The following MICAL2 variants were observed in gnomAD, a reference collection of about 807,000 sequenced individuals.
MICAL2 encodes [F-actin]-monooxygenase MICAL2.
Under a neutral mutation model 127.3 loss-of-function variants are expected in MICAL2, and 77 were observed. That is an observed-to-expected ratio of 0.60 (90% CI 0.50 to 0.73). The LOEUF (loss-of-function observed/expected upper bound fraction) is 0.73, where lower values mean the gene tolerates loss of function less well. Ranked by LOEUF, MICAL2 falls within the 30% of genes least tolerant of loss-of-function variation. The probability of loss-of-function intolerance (pLI) is 0.00; values close to 1 mark genes in which losing one functional copy is unlikely to be tolerated. For missense variants in MICAL2, 1,351 were observed against 1,434.4 expected (o/e 0.94, Z 0.94); for synonymous variants, 570 against 551.1 (o/e 1.03, Z -0.48).
At position 12,169,942 on chromosome 11, in the gene MICAL2, C is replaced by T. The variant is rs1420603871; in HGVS notation, c.264+7523C>T. Among the ~76,000 whole-genome samples the T allele has an allele frequency of 4.6e-5, 7 of 152,160 alleles. No individual in the cohort carries two copies. In the East Asian group the frequency reaches 7.7e-4, roughly 17 times the overall value. Reference sequence around the variant, plus strand: ...TAAGATGTTGCCTACTTAGATTTCCCGGGCTTTGCTGAGTGGGCATTGATA... The same window carrying T: ...TAAGATGTTGCCTACTTAGATTTCCTGGGCTTTGCTGAGTGGGCATTGATA... On this transcript the variant is annotated intron_variant, in intron 3 of 27. Transcript: ENST00000683283.
downstream of MICAL2, among the ~76,000 whole-genome samples, chr11:12,264,292 T>C (rs1863510327): frequency 6.6e-6 from 1 of 152,168 alleles, no homozygotes; most frequent in Non-Finnish European, 1.5e-5. Flanking sequence ...GGCAATGAAG[T>C]TGGCAGTGTG....
intron 7 of MICAL2, among the ~76,000 whole-genome samples, chr11:12,215,862 G>A (rs1163242259): frequency 6.6e-6 from 1 of 152,254 alleles, no homozygotes; most frequent in African/African-American, 2.4e-5. Context: ...CTTGGAGCTA[G>A]ATGGGCTGGG....
At chr11:12,123,657 A>G (rs186612019) in intron 1 of MICAL2, among the ~76,000 whole-genome samples, 11 of 152,320 alleles carry the variant, frequency 7.2e-5, no homozygotes, top group African/African-American at 2.4e-4. Context: ...GTTAGGTTTC[A>G]GGGGGTTTTA....
intron 23 of MICAL2, 191 bp from the exon 24 acceptor site, chr11:12,256,594 C>A: frequency 1.9e-6 from 1 of 539,420 alleles, no homozygotes; most frequent in Admixed American, 3.5e-5. Context: ...TTAACAGAAG[C>A]CCCTGCAGGG....
chr11:12,321,392 C>T (rs1396777115), intron 30 of MICAL2, among the ~76,000 whole-genome samples: 1 of 152,178 alleles, frequency 6.6e-6, no homozygotes, highest in African/African-American at 2.4e-5. Flanking sequence ...ACCATGACAG[C>T]TCAAATGAAC....
At chr11:12,231,535 TCAA>T (rs1296209421) in intron 15 of MICAL2, among the ~76,000 whole-genome samples, 1 of 152,202 alleles carries the variant, frequency 6.6e-6, no homozygotes, top group Non-Finnish European at 1.5e-5. Flanking sequence ...ATCTACTCAT[TCAA>T]CAACTGTTTC....
chr11:12,160,194 G>A (rs1293310052), intron 2 of MICAL2, among the ~76,000 whole-genome samples: 3 of 152,176 alleles, frequency 2.0e-5, no homozygotes, highest in Non-Finnish European at 4.4e-5. Context: ...CAGTGTCTGA[G>A]ACCTCGCCAG....
chr11:12,249,546 T>C (rs1320386559), intron 22 of MICAL2, among the ~76,000 whole-genome samples: 4 of 152,250 alleles, frequency 2.6e-5, no homozygotes, highest in Non-Finnish European at 5.9e-5. Flanking sequence ...TCCAACAGGC[T>C]GTCCTCTGAT....
chr11:12,193,833 C>G lies in MICAL2; in HGVS notation c.265-10417C>G, dbSNP rs186824107. 1.8e-4 allele frequency among the ~76,000 whole-genome samples: 27 copies of G among 152,296 alleles called. No homozygotes were observed. In the East Asian group the frequency reaches 5.0e-3, roughly 28 times the overall value. ...TCATGTCTTGGTTTTGTTATCTGGG[C>G]TTGTTGTGAGATTTGAATGAACTGA... is the stretch of plus-strand genomic sequence containing the variant. On this transcript the variant is annotated intron_variant, in intron 3 of 27. Coordinates refer to ENST00000683283, the MANE Select transcript of MICAL2 (RefSeq NM_001282663.2).
chr11:12,153,876 C>T (rs539516908), intron 2 of MICAL2, among the ~76,000 whole-genome samples: 3 of 152,296 alleles, frequency 2.0e-5, no homozygotes, highest in East Asian at 3.9e-4. Context: ...TGATTCAGGT[C>T]ACATGCAGAA....
At chr11:12,257,078 A>T in intron 24 of MICAL2, 107 bp downstream of exon 24, 1 of 1,194,436 alleles carries the variant, frequency 8.4e-7, no homozygotes, top group East Asian at 2.5e-5. Flanking sequence ...AAACATACCC[A>T]AAAGGAAGTA....
chr11:12,251,630 G>A (rs1861570303), intron 22 of MICAL2, among the ~76,000 whole-genome samples: 1 of 148,512 alleles, frequency 6.7e-6, no homozygotes, highest in Non-Finnish European at 1.5e-5. Flanking sequence ...CGGGGTGGAT[G>A]TGTGGGTGCC....
intron 1 of MICAL2, among the ~76,000 whole-genome samples, chr11:12,133,324 T>C (rs531104497): frequency 1.4e-4 from 22 of 152,268 alleles, no homozygotes; most frequent in African/African-American, 5.1e-4. Flanking sequence ...TCAAGCGATC[T>C]GCCTGCCTCG....
intron 22 of MICAL2, 45 bp from the exon 23 acceptor site, chr11:12,255,598 G>A (rs181279876): frequency 6.4e-6 from 10 of 1,565,508 alleles, no homozygotes; most frequent in Non-Finnish European, 7.9e-6. Context: ...GTGCTAACTG[G>A]CCTCTACCTT....
chr11:12,118,459 A>T (rs1850225722), intron 1 of MICAL2, among the ~76,000 whole-genome samples: 1 of 152,172 alleles, frequency 6.6e-6, no homozygotes, highest in Non-Finnish European at 1.5e-5. Context: ...CTGCTGAAGA[A>T]GCAACCAGGA....
At chr11:12,262,324 A>G in intron 26 of MICAL2, 156 bp from the exon 27 acceptor site, 1 of 1,490,718 alleles carries the variant, frequency 6.7e-7, no homozygotes, top group Non-Finnish European at 8.9e-7. Context: ...TCCTAAGCAA[A>G]CAGCGACTCT....
intron 8 of MICAL2, among the ~76,000 whole-genome samples, chr11:12,218,104 T>A (rs542559725): frequency 4.6e-5 from 7 of 152,346 alleles, no homozygotes; most frequent in African/African-American, 1.7e-4. Flanking sequence ...GACAAGAGGT[T>A]TTCCTGCTTC....
intron 29 of MICAL2, among the ~76,000 whole-genome samples, chr11:12,313,952 C>G (rs1400408554): frequency 1.3e-5 from 1 of 76,402 alleles, no homozygotes; most frequent in Admixed American, 1.2e-4. Context: ...GCCTTAATGT[C>G]TTGGTCTGAT....
chr11:12,319,963 A>G (rs1377357369), intron 30 of MICAL2: 1 of 546,368 alleles, frequency 1.8e-6, no homozygotes, highest in South Asian at 2.9e-5. Flanking sequence ...TACCTTGAAC[A>G]CCCAAAGAAT....
Sources: gnomAD v4.1 joint callset for allele counts (sites outside exome capture counted in the v4.1 genomes callset) on GRCh38, gnomAD v4.1.1 for gene constraint, MANE v1.5 for transcripts, NCBI Gene and HGNC (gene_info 2026-07-23, HGNC 2026-07-21) for gene names.